LIMK1: variants seen among roughly 807,000 people sequenced by gnomAD.
The protein encoded by LIMK1 is LIM motif-containing protein kinase.
A neutral mutation model predicts 77.6 loss-of-function variants in LIMK1; 21 were observed. The observed-to-expected ratio is 0.27, with a 90% confidence interval of 0.19 to 0.39. LIMK1 has a LOEUF of 0.39. Ranked by LOEUF, LIMK1 falls within the 10% of genes least tolerant of loss-of-function variation. LIMK1 has a pLI of 1.00. For missense variants in LIMK1, 696 were observed against 901.6 expected (o/e 0.77, Z 2.92); for synonymous variants, 358 against 370.0 (o/e 0.97, Z 0.37).
At chr7:74,116,516 C>T (rs995560209) in intron 13 of LIMK1, among the ~76,000 whole-genome samples, 10 of 152,066 alleles carry the variant, frequency 6.6e-5, no homozygotes, top group Admixed American at 2.6e-4. Flanking sequence ...ATCAAGACGC[C>T]GGTAGGGTGA....
At position 74,116,855 on chromosome 7, in the gene LIMK1, C is replaced by A. The variant is rs546840025; in HGVS notation, c.1567+897C>A. On this transcript the variant is annotated intron_variant, in intron 13 of 15. Coordinates refer to ENST00000336180, the MANE Select transcript of LIMK1 (RefSeq NM_002314.4). ...TAGCTGGGACCACAGGCATGCAACA[C>A]CACACCCAGCTAATTTTTTTATTTT... 1.2e-4 allele frequency among the ~76,000 whole-genome samples: 18 copies of A among 151,988 alleles called. No homozygotes were observed. The East Asian group carries it at 3.5e-3, about 29-fold the overall frequency.
chr7:74,120,673 C>T, intron 14 of LIMK1, 35 bp downstream of exon 14: 2 of 1,609,638 alleles, frequency 1.2e-6, no homozygotes, highest in South Asian at 2.2e-5. Context: ...GGTGTTGAGG[C>T]CTGGGCTCCT....
chr7:74,095,321 T>C (rs1230022358), intron 2 of LIMK1, among the ~76,000 whole-genome samples: 3 of 152,032 alleles, frequency 2.0e-5, no homozygotes, highest in Non-Finnish European at 2.9e-5. Flanking sequence ...TCTGTGTGGG[T>C]CTGTACCCTG....
intron 2 of LIMK1, among the ~76,000 whole-genome samples, chr7:74,092,547 C>A (rs1263760667): frequency 6.6e-6 from 1 of 152,220 alleles, no homozygotes; most frequent in African/African-American, 2.4e-5. Flanking sequence ...CCCTTGCAGG[C>A]CCTGCCTCCC....
Position 74,121,292 on chromosome 7 carries a change from C to A in LIMK1, c.1935C>A (p.Val645=). 3 of 1,598,088 alleles carry A rather than the reference C, an allele frequency of 1.9e-6. No individual in the cohort carries two copies. The highest frequency in any genetic ancestry group is 2.6e-6 in the Non-Finnish European group (3 of 1,174,498). ...GESGLPAHPE[V]PD ...GCGGACTGCCTGCCCACCCTGAGGTCCCCGACTGAGCCAGGGCCACTCAGC... is the reference window on the plus strand; with the variant it reads ...GCGGACTGCCTGCCCACCCTGAGGTACCCGACTGAGCCAGGGCCACTCAGC... Residue 645 remains valine (V), a synonymous_variant, in exon 16 of 16, where the codon GTC becomes GTA. Transcript: ENST00000336180.
chr7:74,103,706 C>T (rs1799512924), intron 5 of LIMK1, among the ~76,000 whole-genome samples: 1 of 152,152 alleles, frequency 6.6e-6, no homozygotes, highest in Non-Finnish European at 1.5e-5. Context: ...AGGGTGGCTA[C>T]CAAATGCTGA....
At chr7:74,109,139 G>A in intron 10 of LIMK1, 103 bp downstream of exon 10, 1 of 885,834 alleles carries the variant, frequency 1.1e-6, no homozygotes, top group South Asian at 1.4e-5. Context: ...GAAGCCACAG[G>A]GGTCTCAAAG....
intron 2 of LIMK1, among the ~76,000 whole-genome samples, chr7:74,092,813 A>G (rs560214029): frequency 2.0e-5 from 3 of 152,320 alleles, no homozygotes; most frequent in Non-Finnish European, 4.4e-5. Flanking sequence ...CAAACTGTCC[A>G]TAGGAAGTCG....
At position 74,095,968 on chromosome 7, in the gene LIMK1, CT is replaced by C. The variant is rs869065672; in HGVS notation, c.153-640del. On this transcript the variant is annotated intron_variant, in intron 2 of 15. Coordinates refer to ENST00000336180, the MANE Select transcript of LIMK1 (RefSeq NM_002314.4). Reference sequence around the variant, plus strand: ...GGGATTCTCCTCTATTTTTCTTTTTCTTTTTTTTTTTTTTGGAGACAGAGTC... The same window carrying C: ...GGGATTCTCCTCTATTTTTCTTTTTCTTTTTTTTTTTTTGGAGACAGAGTC... Among the ~76,000 whole-genome samples, 220 of 127,100 alleles carry C rather than the reference CT, an allele frequency of 1.7e-3. 1 individual carries two copies. The highest frequency in any genetic ancestry group is 2.6e-3 in the Admixed American group (34 of 12,932). The allele number at this position is 127,100 out of a possible 152,430, so 83.4% of individuals were successfully genotyped here.
intron 5 of LIMK1, among the ~76,000 whole-genome samples, chr7:74,100,876 C>T (rs1799445317): frequency 6.6e-6 from 1 of 152,052 alleles, no homozygotes; most frequent in African/African-American, 2.4e-5. Context: ...GCTGGGACTA[C>T]AGGCACCTGC....
intron 5 of LIMK1, among the ~76,000 whole-genome samples, chr7:74,100,984 G>A (rs1006600859): frequency 1.3e-5 from 2 of 148,746 alleles, no homozygotes; most frequent in Non-Finnish European, 3.0e-5. Flanking sequence ...TGATCCGCCC[G>A]TCTCGGCCTC....
intron 7 of LIMK1, 61 bp from the exon 8 acceptor site, chr7:74,106,949 A>G: frequency 6.9e-7 from 1 of 1,448,810 alleles, no homozygotes; most frequent in Non-Finnish European, 9.2e-7. Context: ...AGGAAGGGGC[A>G]GGGCCTTGGC....
At chr7:74,106,494 C>T (rs1450959194) in intron 7 of LIMK1, among the ~76,000 whole-genome samples, 1 of 152,212 alleles carries the variant, frequency 6.6e-6, no homozygotes, top group Non-Finnish European at 1.5e-5. Flanking sequence ...GGCGTGGTGG[C>T]TCATGCCTGT....
At chr7:74,098,930 A>T in intron 4 of LIMK1, 102 bp from the exon 5 acceptor site, 16 of 823,126 alleles carry the variant, frequency 1.9e-5, no homozygotes, top group Non-Finnish European at 2.7e-5. Flanking sequence ...AAAAAAAAAA[A>T]GGAAGGGATT....
chr7:74,107,827 T>G (rs375247738), intron 8 of LIMK1, 44 bp from the exon 9 acceptor site: 2 of 1,504,884 alleles, frequency 1.3e-6, no homozygotes, highest in African/African-American at 2.8e-5. Context: ...AAGGCGGGCT[T>G]ACAGCAGAGC....
intron 10 of LIMK1, chr7:74,111,445 A>G: frequency 1.7e-6 from 1 of 577,480 alleles, no homozygotes; most frequent in South Asian, 2.1e-5. Context: ...CTAAAGAAAA[A>G]AAAAAAAGGA....
At chr7:74,089,069 TG>T (rs560141116) in intron 2 of LIMK1, among the ~76,000 whole-genome samples, 332 of 152,342 alleles carry the variant, frequency 2.2e-3, no homozygotes, top group Non-Finnish European at 3.1e-3. Flanking sequence ...CATGCTAATT[TG>T]TTAAATCTTC....
intron 2 of LIMK1, among the ~76,000 whole-genome samples, chr7:74,090,593 C>T (rs1799217790): frequency 2.0e-5 from 3 of 152,212 alleles, no homozygotes; most frequent in Admixed American, 2.0e-4. Flanking sequence ...AGGTGCTAGA[C>T]TCTGCTTAGT....
rs1554696111 is a variant in LIMK1 at position 74,099,111 on chromosome 7, C to A, written c.481C>A (p.His161Asn). 1.9e-6 allele frequency: 3 copies of A among 1,613,248 alleles called. No individual in the cohort carries two copies. Among genetic ancestry groups the A allele is most frequent in the Non-Finnish European group, 2.5e-6 (3 of 1,179,888 alleles). ...TGACTCCCCTGGCTCCCACCTGCCC[C>A]ACACCGTCACCCTGGTGTCCATCCC... Reference protein sequence around the residue: ...LPDSPGSHLPHTVTLVSIPAS... With the variant: ...LPDSPGSHLPNTVTLVSIPAS... Residue 161 changes from histidine (H) to asparagine (N), a missense_variant, in exon 5 of 16, where the codon CAC (histidine) becomes AAC (asparagine). His to Asn is a moderately conservative substitution (Grantham distance 68). This residue lies in a region of LIMK1 where 252 missense variants were observed against 279.4 expected (regional missense o/e 0.90). Transcript: ENST00000336180.
Sources: gnomAD v4.1 joint callset for allele counts (sites outside exome capture counted in the v4.1 genomes callset) on GRCh38, gnomAD v4.1.1 for gene constraint, gnomAD v4.1.1 regional missense constraint, MANE v1.5 for transcripts, NCBI Gene and HGNC (gene_info 2026-07-23, HGNC 2026-07-21) for gene names.